ARB2A: variants seen among roughly 807,000 people sequenced by gnomAD.
ARB2A encodes the protein cotranscriptional regulator ARB2A.
the ARB2A span, among the ~76,000 whole-genome samples, chr5:93,941,140 G>A: frequency 6.6e-6 from 1 of 152,068 alleles, no homozygotes; most frequent in Non-Finnish European, 1.5e-5. Flanking sequence ...CCTGGAGCAA[G>A]TCACGGCTTC....
the ARB2A span, among the ~76,000 whole-genome samples, chr5:94,016,279 T>C: frequency 3.7e-3 from 564 of 152,284 alleles, no homozygotes; most frequent in Non-Finnish European, 5.3e-3. Flanking sequence ...GTTAAGAAAG[T>C]ATCTCATTTT....
chr5:93,762,845 C>T, the ARB2A span, among the ~76,000 whole-genome samples: 10 of 152,160 alleles, frequency 6.6e-5, no homozygotes, highest in Admixed American at 2.6e-4. Context: ...AGACTAACAG[C>T]GGATCTCTTG....
the ARB2A span, among the ~76,000 whole-genome samples, chr5:93,718,597 T>TA: frequency 6.6e-6 from 1 of 152,184 alleles, no homozygotes; most frequent in Non-Finnish European, 1.5e-5. Context: ...TTAACAGTCA[T>TA]ACATAATCCC....
At chr5:93,960,092 C>G in the ARB2A span, among the ~76,000 whole-genome samples, 1 of 147,134 alleles carries the variant, frequency 6.8e-6, no homozygotes, top group East Asian at 2.0e-4. Flanking sequence ...CCCCCCCCCC[C>G]CCCAAAAAAA....
the ARB2A span, chr5:93,881,585 G>C: frequency 6.2e-7 from 1 of 1,609,946 alleles, no homozygotes; most frequent in South Asian, 1.1e-5. Flanking sequence ...CCGTTTTTCT[G>C]CTGGTTCATC....
the ARB2A span, among the ~76,000 whole-genome samples, chr5:94,048,392 G>T: frequency 2.6e-5 from 4 of 151,912 alleles, no homozygotes; most frequent in African/African-American, 4.8e-5. Context: ...ATTACTCAGG[G>T]CATTGAATAT....
chr5:93,782,210 A>G, the ARB2A span, among the ~76,000 whole-genome samples: 2 of 152,188 alleles, frequency 1.3e-5, no homozygotes, highest in African/African-American at 4.8e-5. Flanking sequence ...TCTCTGAGAT[A>G]TTATAGTGTT....
the ARB2A span, among the ~76,000 whole-genome samples, chr5:94,094,845 C>T: frequency 2.6e-5 from 4 of 152,112 alleles, no homozygotes; most frequent in Admixed American, 2.6e-4. Flanking sequence ...ACAGAACTCA[C>T]TGAAAGCTAT....
the ARB2A span, among the ~76,000 whole-genome samples, chr5:93,627,438 G>GTTTGTTTTTTTT: frequency 2.8e-5 from 3 of 108,076 alleles, 1 homozygote; most frequent in African/African-American, 4.0e-5. Context: ...TACAAAATGT[G>GTTTGTTTTTTTT]TTTTGTTTTT....
At chr5:94,083,823 T>A in the ARB2A span, among the ~76,000 whole-genome samples, 149 of 132,826 alleles carry the variant, frequency 1.1e-3, no homozygotes, top group Non-Finnish European at 1.0e-3. Flanking sequence ...CAAGGTCCTC[T>A]AAAAAAAAAA....
chr5:94,064,466 AT>A, the ARB2A span, among the ~76,000 whole-genome samples: 1 of 152,330 alleles, frequency 6.6e-6, no homozygotes, highest in South Asian at 2.1e-4. Context: ...CTAGAAAGAG[AT>A]TTAGGCTTCC....
At chr5:94,040,831 CAG>C in the ARB2A span, among the ~76,000 whole-genome samples, 1 of 152,126 alleles carries the variant, frequency 6.6e-6, no homozygotes, top group Non-Finnish European at 1.5e-5. Flanking sequence ...CAGGGCCCAA[CAG>C]GGGGCAAGTT....
chr5:93,642,709 C>G, the ARB2A span, among the ~76,000 whole-genome samples: 55 of 151,972 alleles, frequency 3.6e-4, no homozygotes, highest in Non-Finnish European at 6.8e-4. Flanking sequence ...TTTGTAGAGA[C>G]AAGGTCTTGC....
the ARB2A span, among the ~76,000 whole-genome samples, chr5:93,923,928 A>C: frequency 6.6e-6 from 1 of 152,200 alleles, no homozygotes. Flanking sequence ...ACATACAGAA[A>C]CTTATATGCC....
the ARB2A span, among the ~76,000 whole-genome samples, chr5:93,994,864 C>A: frequency 6.6e-6 from 1 of 151,726 alleles, no homozygotes; most frequent in Non-Finnish European, 1.5e-5. Context: ...CGAGATTGCA[C>A]CATGGCACTC....
the ARB2A span, among the ~76,000 whole-genome samples, chr5:93,744,691 G>A: frequency 2.6e-5 from 4 of 152,184 alleles, no homozygotes; most frequent in African/African-American, 9.7e-5. Context: ...AACGAAGCAG[G>A]AGCATATTTA....
At chr5:93,846,114 T>A in the ARB2A span, among the ~76,000 whole-genome samples, 9 of 152,100 alleles carry the variant, frequency 5.9e-5, no homozygotes, top group African/African-American at 1.9e-4. Context: ...ACTCTGTATT[T>A]GTCCATGAGA....
At chr5:93,625,978 ACTC>A in the ARB2A span, among the ~76,000 whole-genome samples, 5 of 151,912 alleles carry the variant, frequency 3.3e-5, no homozygotes, top group African/African-American at 1.2e-4. Flanking sequence ...CCCTGCCCAC[ACTC>A]CTCTTTACTT....
chr5:93,703,665 T>C, the ARB2A span, among the ~76,000 whole-genome samples: 1 of 152,210 alleles, frequency 6.6e-6, no homozygotes, highest in East Asian at 1.9e-4. Context: ...TGATGTACTG[T>C]AGTTACTAGA....
Sources: gnomAD v4.1 joint callset for allele counts (sites outside exome capture counted in the v4.1 genomes callset) on GRCh38, gnomAD v4.1.1 for gene constraint, MANE v1.5 for transcripts, NCBI Gene and HGNC (gene_info 2026-07-23, HGNC 2026-07-21) for gene names.